RABGEF1: variants seen among roughly 807,000 people sequenced by gnomAD.
RABGEF1 encodes the protein rab5 GDP/GTP exchange factor.
RABGEF1 carries 26 observed loss-of-function variants against 57.3 expected under a neutral mutation model. The ratio of observed to expected loss-of-function variants is 0.45; its 90% CI spans 0.33 to 0.63. RABGEF1 has a LOEUF of 0.63. Ranked by LOEUF, RABGEF1 falls within the 20% of genes least tolerant of loss-of-function variation. The probability of loss-of-function intolerance (pLI) is 0.02; values close to 1 mark genes in which losing one functional copy is unlikely to be tolerated. For missense variants in RABGEF1, 464 were observed against 607.6 expected, an observed-to-expected ratio of 0.76 and a Z score of 2.48; for synonymous variants, 185 against 210.7, an observed-to-expected ratio of 0.88 and a Z score of 1.06.
the RABGEF1 span, among the ~76,000 whole-genome samples, chr7:66,665,706 T>C: frequency 6.6e-6 from 1 of 152,234 alleles, no homozygotes; most frequent in African/African-American, 2.4e-5. Context: ...ACTCCAAAGG[T>C]GACGTTCCCT....
chr7:66,806,946 A>T (rs1584304003), intron 8 of RABGEF1, among the ~76,000 whole-genome samples: 1 of 152,134 alleles, frequency 6.6e-6, no homozygotes, highest in East Asian at 1.9e-4. Context: ...ACCTGGCCTC[A>T]TATTTCTTAA....
intron 1 of RABGEF1, among the ~76,000 whole-genome samples, chr7:66,743,442 A>T (rs1799477520): frequency 6.6e-6 from 1 of 151,786 alleles, no homozygotes; most frequent in South Asian, 2.1e-4. Flanking sequence ...CTCTTGTCTC[A>T]GCCTCCCAAG....
the RABGEF1 span, among the ~76,000 whole-genome samples, chr7:66,664,799 G>T: frequency 6.6e-6 from 1 of 152,182 alleles, no homozygotes; most frequent in African/African-American, 2.4e-5. Flanking sequence ...GGAGTCAGGG[G>T]TCACCTCATC....
rs140102363 is a variant in RABGEF1, at chr7:66,743,189, G to A, written c.-18+2397G>A. Among the ~76,000 whole-genome samples, 314 of 152,140 alleles carry A rather than the reference G, an allele frequency of 2.1e-3. 2 individuals are homozygous for A. The highest frequency in any genetic ancestry group is 7.3e-3 in the African/African-American group (305 of 41,510). On this transcript the variant is annotated intron_variant, in intron 1 of 8. Coordinates refer to ENST00000284957, the MANE Select transcript of RABGEF1 (RefSeq NM_014504.3). ...TTGGTGTGATGGCGCCTGCCGTAAT[G>A]CTAGCTACTCAGGAGGCTGAGGTAG...
chr7:66,701,084 G>A (rs548047699), intron 1 of RABGEF1, among the ~76,000 whole-genome samples: 1 of 132,474 alleles, frequency 7.5e-6, no homozygotes, highest in Non-Finnish European at 1.7e-5. Flanking sequence ...TGGGGCAGGG[G>A]TGGGGACTGT....
chr7:66,765,839 C>A (rs1433357523), intron 1 of RABGEF1, among the ~76,000 whole-genome samples: 5 of 152,138 alleles, frequency 3.3e-5, no homozygotes, highest in East Asian at 1.9e-4. Flanking sequence ...GCCAGCTTAT[C>A]TTTGTGGATT....
rs775563784 is a variant in RABGEF1, at chr7:66,810,795, TC to T, written c.*1513del. Reference sequence around the variant, plus strand: ...AGGTTCTCTTGCTTTTCCAGTATCTTCCTAAGGATGGAGCCCAAAATTGCAG... The same window carrying T: ...AGGTTCTCTTGCTTTTCCAGTATCTTCTAAGGATGGAGCCCAAAATTGCAG... On this transcript the variant is annotated 3_prime_UTR_variant, in exon 9 of 9. Transcript: ENST00000284957. The T allele has an allele frequency of 1.3e-5, 2 of 152,228 alleles. No homozygotes were observed. The highest frequency in any genetic ancestry group is 4.1e-4 in the South Asian group (2 of 4,830). 9.4% of individuals were successfully genotyped at this position (152,228 alleles called of 1,614,324 possible). A position where few individuals can be genotyped will look rare whatever the true frequency, so the allele number is the denominator to read the frequency against.
intron 1 of RABGEF1, among the ~76,000 whole-genome samples, chr7:66,753,860 T>C (rs6979488): frequency 0.54 from 81,947 of 150,944 alleles, 22,530 homozygotes; most frequent in East Asian, 0.74. Context: ...GCATGCGCCA[T>C]CATGCCTGGC....
intron 1 of RABGEF1, among the ~76,000 whole-genome samples, chr7:66,745,524 T>C (rs1043173948): frequency 1.3e-5 from 2 of 152,052 alleles, no homozygotes; most frequent in African/African-American, 4.8e-5. Context: ...CCCAACACTT[T>C]GGGAGGCTGA....
At chr7:66,679,079 C>T (rs867248654), upstream of RABGEF1, among the ~76,000 whole-genome samples, 6 of 152,182 alleles carry the variant, frequency 3.9e-5, no homozygotes, top group Non-Finnish European at 7.3e-5. Flanking sequence ...CCCATATTGA[C>T]GTTGGTTTGG....
chr7:66,694,844 C>T lies in RABGEF1; in HGVS notation c.-873+12586C>T, dbSNP rs542332992. On this transcript the variant is annotated intron_variant and NMD_transcript_variant, in intron 1 of 9. Transcript: ENST00000607882. ...GCCCTTCTCTCAATGAGGGGAACAA[C>T]GGGGCTGGGGGATCAGTTAGCCCTG... Among the ~76,000 whole-genome samples the T allele has an allele frequency of 2.4e-4, 36 of 152,230 alleles. 1 individual carries two copies. The South Asian group carries it at 6.4e-3, about 27-fold the overall frequency.
At chr7:66,752,812 T>C (rs1801746288) in intron 1 of RABGEF1, among the ~76,000 whole-genome samples, 1 of 152,204 alleles carries the variant, frequency 6.6e-6, no homozygotes, top group Non-Finnish European at 1.5e-5. Flanking sequence ...AAACACTGCT[T>C]GTCAGGTTAG....
intron 1 of RABGEF1, among the ~76,000 whole-genome samples, chr7:66,755,130 T>C (rs985312360): frequency 6.6e-6 from 1 of 152,112 alleles, no homozygotes; most frequent in Non-Finnish European, 1.5e-5. Context: ...TGGTCTCTAC[T>C]AAAAATACAA....
intron 1 of RABGEF1, among the ~76,000 whole-genome samples, chr7:66,705,690 C>T (rs1793952190): frequency 6.6e-6 from 1 of 151,208 alleles, no homozygotes; most frequent in African/African-American, 2.4e-5. Flanking sequence ...TTGATAGATA[C>T]AAGTGTTTTT....
At chr7:66,655,466 G>C in the RABGEF1 span, among the ~76,000 whole-genome samples, 40 of 152,180 alleles carry the variant, frequency 2.6e-4, no homozygotes, top group Admixed American at 2.1e-3. Flanking sequence ...GAGTTTACCG[G>C]AGCACCTTGG....
At chr7:66,730,969 C>T (rs1332288591) in intron 2 of RABGEF1, among the ~76,000 whole-genome samples, 3 of 152,074 alleles carry the variant, frequency 2.0e-5, no homozygotes, top group African/African-American at 7.2e-5. Flanking sequence ...GGGAGAATTG[C>T]CTGAGGTCAT....
In RABGEF1 at chr7:66,704,543, G is replaced by A. The variant is rs1406395289; in HGVS notation, c.-872-7624G>A. Among the ~76,000 whole-genome samples, 3 of 152,042 alleles carry A rather than the reference G, an allele frequency of 2.0e-5. No individual in the cohort carries two copies. The East Asian group carries it at 5.8e-4, about 29-fold the overall frequency. On this transcript the variant is annotated intron_variant and NMD_transcript_variant, in intron 1 of 9. Coordinates refer to the RABGEF1 transcript ENST00000607882. Reference sequence around the variant, plus strand: ...TTTAAATAGTCGGCCAGGTGCGGTGGCTCACACCTGTAATCCCAGCACTTT... The same window carrying A: ...TTTAAATAGTCGGCCAGGTGCGGTGACTCACACCTGTAATCCCAGCACTTT...
intron 1 of RABGEF1, among the ~76,000 whole-genome samples, chr7:66,698,805 A>G (rs1365983177): frequency 1.3e-5 from 2 of 152,172 alleles, no homozygotes; most frequent in African/African-American, 4.8e-5. Flanking sequence ...GACCCACGGG[A>G]GTTTCACTCC....
intron 5 of RABGEF1, among the ~76,000 whole-genome samples, chr7:66,796,238 T>TAAA (rs138809530): frequency 3.3e-5 from 5 of 149,820 alleles, no homozygotes; most frequent in Middle Eastern, 3.4e-3. Context: ...ATTAATAGTT[T>TAAA]AAAAAAAAAA....
Sources: allele counts gnomAD v4.1 joint callset (sites outside exome capture counted in the v4.1 genomes callset), GRCh38; gene constraint gnomAD v4.1.1; transcripts MANE v1.5; gene names NCBI Gene and HGNC (gene_info 2026-07-23, HGNC 2026-07-21).